CLVS1: variants seen among roughly 807,000 people sequenced by gnomAD.
CLVS1 encodes the protein clavesin 1.
CLVS1 carries 10 observed loss-of-function variants against 33.1 expected under a neutral mutation model. The observed-to-expected ratio is 0.30, with a 90% CI of 0.19 to 0.51. The LOEUF (loss-of-function observed/expected upper bound fraction) is 0.51. Ranked by LOEUF, CLVS1 falls within the 20% of genes least tolerant of loss-of-function variation. The probability of loss-of-function intolerance (pLI) is 0.97; values close to 1 mark genes in which losing one functional copy is unlikely to be tolerated. For synonymous variants in CLVS1, 163 were observed against 166.1 expected, an observed-to-expected ratio of 0.98 and a Z score of 0.14; for missense variants, 343 against 433.4, an observed-to-expected ratio of 0.79 and a Z score of 1.85.
chr8:61,099,506 G>C (rs1805410348), intron 1 of CLVS1, among the ~76,000 whole-genome samples: 1 of 152,134 alleles, frequency 6.6e-6, no homozygotes, highest in Admixed American at 6.5e-5. Context: ...TCATCTTGCA[G>C]GAGTATAAAC....
intron 2 of CLVS1, among the ~76,000 whole-genome samples, chr8:61,355,216 A>G (rs1017090614): frequency 1.3e-5 from 2 of 152,134 alleles, no homozygotes; most frequent in Non-Finnish European, 2.9e-5. Flanking sequence ...CTAGAAAACA[A>G]TCTTCCAGAA....
chr8:61,301,542 T>C (rs1437496379), intron 2 of CLVS1, among the ~76,000 whole-genome samples: 2 of 152,346 alleles, frequency 1.3e-5, no homozygotes, highest in East Asian at 3.8e-4. Flanking sequence ...AGCTAACATT[T>C]TGAATATTAA....
At chr8:60,978,103 A>C in the CLVS1 span, among the ~76,000 whole-genome samples, 5 of 152,236 alleles carry the variant, frequency 3.3e-5, no homozygotes, top group Non-Finnish European at 7.3e-5. Context: ...GATAAACAAA[A>C]GCTGAGGGAG....
intron 1 of CLVS1, among the ~76,000 whole-genome samples, chr8:61,095,586 T>A (rs1805338549): frequency 6.6e-6 from 1 of 152,184 alleles, no homozygotes; most frequent in South Asian, 2.1e-4. Context: ...TTGATCCTGA[T>A]CTACTGGTTG....
chr8:61,403,613 G>A (rs1278925540), intron 3 of CLVS1, among the ~76,000 whole-genome samples: 1 of 152,174 alleles, frequency 6.6e-6, no homozygotes, highest in Non-Finnish European at 1.5e-5. Flanking sequence ...GAGAGGAGCT[G>A]AAGATGCATT....
chr8:61,088,487 CAAAAAAA>C (rs59394782), intron 1 of CLVS1, among the ~76,000 whole-genome samples: 28,348 of 105,528 alleles, frequency 0.27, 3,218 homozygotes, highest in African/African-American at 0.34. Context: ...GAGACTGTCT[CAAAAAAA>C]AAAAAAAAAA....
At chr8:61,110,102 GC>G (rs1416870061) in intron 1 of CLVS1, among the ~76,000 whole-genome samples, 2 of 152,154 alleles carry the variant, frequency 1.3e-5, no homozygotes, top group East Asian at 1.9e-4. Flanking sequence ...GTGCACGGTT[GC>G]CCCCTTCTAT....
rs1033282613 is a variant in CLVS1 at position 61,115,843 on chromosome 8, A to G, written c.-242-15927A>G. On this transcript the variant is annotated intron_variant, in intron 1 of 2. Coordinates refer to the CLVS1 transcript ENST00000522621. Reference sequence around the variant, plus strand: ...AATGCCGCAATAAACATACGTGTGCATGTGTCTTTATAGCAGCATGATTTA... The same window carrying G: ...AATGCCGCAATAAACATACGTGTGCGTGTGTCTTTATAGCAGCATGATTTA... 8.1e-5 allele frequency among the ~76,000 whole-genome samples: 12 copies of G among 147,562 alleles called. No homozygotes were observed. In the South Asian group the frequency reaches 1.6e-3, roughly 19 times the overall value.
At chr8:61,139,697 C>T (rs928329698) in intron 2 of CLVS1, among the ~76,000 whole-genome samples, 5 of 152,094 alleles carry the variant, frequency 3.3e-5, no homozygotes, top group African/African-American at 1.2e-4. Flanking sequence ...CTGCCAGGAT[C>T]GTGCTTCCCC....
chr8:61,313,682 C>T (rs1810918799), intron 2 of CLVS1, among the ~76,000 whole-genome samples: 1 of 152,120 alleles, frequency 6.6e-6, no homozygotes. Context: ...TGTTGGCTGC[C>T]TGACTTGTGG....
At chr8:61,215,883 C>G (rs149626736) in intron 2 of CLVS1, among the ~76,000 whole-genome samples, 2 of 152,252 alleles carry the variant, frequency 1.3e-5, no homozygotes, top group Non-Finnish European at 2.9e-5. Context: ...ATTCCCATCT[C>G]CTACCGCCCC....
intron 2 of CLVS1, among the ~76,000 whole-genome samples, chr8:61,139,083 G>T (rs970225904): frequency 2.0e-5 from 3 of 152,258 alleles, no homozygotes; most frequent in African/African-American, 7.2e-5. Flanking sequence ...TGCCCTCAAA[G>T]GAGGCGAGTT....
chr8:61,045,708 TC>T, the CLVS1 span, among the ~76,000 whole-genome samples: 1 of 152,184 alleles, frequency 6.6e-6, no homozygotes, highest in African/African-American at 2.4e-5. Flanking sequence ...CTGAGGAAAT[TC>T]GTATATTCCA....
chr8:61,054,700 A>C (rs1413842637), upstream of CLVS1, among the ~76,000 whole-genome samples: 1 of 152,126 alleles, frequency 6.6e-6, no homozygotes, highest in Non-Finnish European at 1.5e-5. Context: ...ACTTTGTACT[A>C]TTCTTTGGGT....
At chr8:61,021,653 G>A in the CLVS1 span, among the ~76,000 whole-genome samples, 7 of 151,864 alleles carry the variant, frequency 4.6e-5, no homozygotes, top group Non-Finnish European at 1.0e-4. Flanking sequence ...GAGCGCACCC[G>A]GCCTCCATGG....
At chr8:61,333,320 T>A (rs1811669528) in intron 2 of CLVS1, among the ~76,000 whole-genome samples, 1 of 152,120 alleles carries the variant, frequency 6.6e-6, no homozygotes, top group South Asian at 2.1e-4. Flanking sequence ...GTATCAAAGC[T>A]CAGTCAGTGA....
At chr8:61,287,013 C>T (rs563648107), upstream of CLVS1, among the ~76,000 whole-genome samples, 13 of 152,134 alleles carry the variant, frequency 8.5e-5, no homozygotes, top group African/African-American at 2.9e-4. Context: ...TTTCTATGAT[C>T]GTAAATGAAA....
the CLVS1 span, among the ~76,000 whole-genome samples, chr8:60,973,217 T>A: frequency 2.0e-5 from 3 of 152,310 alleles, no homozygotes; most frequent in East Asian, 5.8e-4. Context: ...CAAGTTAAAG[T>A]TGATTTAAAA....
At chr8:61,405,703 C>CTTTTT (rs775749517) in intron 3 of CLVS1, among the ~76,000 whole-genome samples, 1 of 124,812 alleles carries the variant, frequency 8.0e-6, no homozygotes, top group African/African-American at 3.0e-5. Context: ...GTGGAACTGA[C>CTTTTT]TTTTTTTTTT....
Sources: gnomAD v4.1 joint callset for allele counts (sites outside exome capture counted in the v4.1 genomes callset) on GRCh38, gnomAD v4.1.1 for gene constraint, MANE v1.5 for transcripts, NCBI Gene and HGNC (gene_info 2026-07-23, HGNC 2026-07-21) for gene names.